The following CASP6 variants were observed in gnomAD, a reference collection of about 807,000 sequenced individuals.
CASP6 encodes the protein caspase-6.
In CASP6, 20 loss-of-function variants were observed where a neutral mutation model predicts 31.8. That is an observed-to-expected ratio of 0.63 (90% CI 0.44 to 0.91). The LOEUF (loss-of-function observed/expected upper bound fraction) is 0.91, where lower values mean the gene tolerates loss of function less well. Among genes scored for constraint, CASP6 ranks in the 40% least tolerant of loss-of-function variants. CASP6 has a pLI of 0.00. For synonymous variants in CASP6, 130 were observed against 127.8 expected (o/e 1.02, Z -0.12); for missense variants, 328 against 361.1 (o/e 0.91, Z 0.74).
chr4:109,675,097 A>T, the CASP6 span, among the ~76,000 whole-genome samples: 25 of 152,216 alleles, frequency 1.6e-4, no homozygotes, highest in African/African-American at 6.0e-4. Context: ...TGTCAAAAAG[A>T]AAAAAAAGAA....
At chr4:109,695,787 A>G (rs1730220632) in intron 4 of CASP6, among the ~76,000 whole-genome samples, 1 of 151,848 alleles carries the variant, frequency 6.6e-6, no homozygotes, top group South Asian at 2.1e-4. Context: ...CCAAAAGAGT[A>G]CTCAAAGCCA....
At chr4:109,705,729 G>C (rs898395002), upstream of CASP6, among the ~76,000 whole-genome samples, 1 of 151,088 alleles carries the variant, frequency 6.6e-6, no homozygotes, top group Admixed American at 6.6e-5. Flanking sequence ...TGTAAACCCA[G>C]CACTTTGGGA....
chr4:109,685,403 G>A (rs372928800), downstream of CASP6: 1 of 900,938 alleles, frequency 1.1e-6, no homozygotes, highest in African/African-American at 1.6e-5. Flanking sequence ...TGGTTTGTTT[G>A]GGAGCCAGAA....
At chr4:109,707,271 G>A (rs893527082), upstream of CASP6, among the ~76,000 whole-genome samples, 1 of 152,060 alleles carries the variant, frequency 6.6e-6, no homozygotes, top group Non-Finnish European at 1.5e-5. Context: ...ATATGTTCCT[G>A]TTTCATGTGT....
At chr4:109,691,418 T>A (rs937135131) in intron 5 of CASP6, among the ~76,000 whole-genome samples, 3 of 152,214 alleles carry the variant, frequency 2.0e-5, no homozygotes, top group African/African-American at 7.2e-5. Context: ...TGACTTTTGC[T>A]TGCCTGGCTG....
At chr4:109,708,229 A>G (rs188776913), upstream of CASP6, among the ~76,000 whole-genome samples, 8 of 152,342 alleles carry the variant, frequency 5.3e-5, 1 homozygote, top group East Asian at 1.5e-3. Context: ...TGTTCATTGT[A>G]TGCATAAAAT....
chr4:109,681,283 C>G, the CASP6 span, among the ~76,000 whole-genome samples: 1 of 152,128 alleles, frequency 6.6e-6, no homozygotes, highest in Non-Finnish European at 1.5e-5. Context: ...GTCCTTGAGT[C>G]TCTGGGGTCA....
At chr4:109,686,355 T>A (rs11933017), downstream of CASP6, among the ~76,000 whole-genome samples, 1,241 of 152,262 alleles carry the variant, frequency 8.2e-3, 19 homozygotes, top group African/African-American at 0.028. Flanking sequence ...TCCAGGCTGG[T>A]CTCAAACTCC....
At chr4:109,690,511 A>C (rs1393749550) in intron 6 of CASP6, among the ~76,000 whole-genome samples, 2 of 151,552 alleles carry the variant, frequency 1.3e-5, no homozygotes, top group African/African-American at 4.9e-5. Flanking sequence ...GACAGAGTTG[A>C]GACCTTGTCT....
Position 109,698,289 on chromosome 4 carries a change from C to T in CASP6, c.83+11G>A, listed in dbSNP as rs371341686. 1.4e-4 allele frequency: 217 copies of T among 1,604,050 alleles called. No individual in the cohort carries two copies. Among genetic ancestry groups the T allele is most frequent in the Admixed American group, 9.2e-4 (53 of 57,630 alleles). On this transcript the variant is annotated intron_variant, in intron 2 of 6. Coordinates refer to ENST00000265164, the MANE Select transcript of CASP6 (RefSeq NM_001226.4). ...GGAAGAGACCTTTATTAGAAAAGAG[C>T]ACAGCTTTACCTTTTATAGAAGGCA... is the stretch of plus-strand genomic sequence containing the variant.
chr4:109,688,983 TTTC>T lies in CASP6; in HGVS notation c.*344_*346del, dbSNP rs1729934934. ...TTATATAAAAGGAAGAGAAAGACAT[TTTC>T]TTTTTTTTGAGACGGAGTTTCACTC... is the stretch of plus-strand genomic sequence containing the variant. On this transcript the variant is annotated 3_prime_UTR_variant, in exon 7 of 7. Transcript: ENST00000265164. 5.5e-6 allele frequency: 1 copy of T among 183,128 alleles called. No individual in the cohort carries two copies. Among genetic ancestry groups the T allele is most frequent in the Non-Finnish European group, 1.2e-5 (1 of 85,134 alleles). 11.3% of individuals were successfully genotyped at this position (183,128 alleles called of 1,614,324 possible).
chr4:109,682,410 T>C, the CASP6 span, among the ~76,000 whole-genome samples: 1 of 152,184 alleles, frequency 6.6e-6, no homozygotes, highest in Non-Finnish European at 1.5e-5. Context: ...AAAAGTACAC[T>C]TGAACTGCTT....
chr4:109,670,703 G>A, the CASP6 span, among the ~76,000 whole-genome samples: 55 of 150,952 alleles, frequency 3.6e-4, no homozygotes, highest in South Asian at 8.0e-3. Flanking sequence ...GCAACAGAGC[G>A]AGGAGACTCT....
downstream of CASP6, chr4:109,684,603 C>T (rs755958779): frequency 1.9e-6 from 3 of 1,593,824 alleles, no homozygotes; most frequent in Middle Eastern, 1.7e-4. Context: ...ATCACATTTG[C>T]AAATTCTATG....
the CASP6 span, among the ~76,000 whole-genome samples, chr4:109,670,470 C>G: frequency 6.6e-6 from 1 of 152,138 alleles, no homozygotes; most frequent in Non-Finnish European, 1.5e-5. Flanking sequence ...TTAATCCCAG[C>G]ACTTTGAGAG....
chr4:109,698,337 C>T lies in CASP6; in HGVS notation c.46G>A (p.Glu16Lys). Residue 16 changes from glutamate to lysine, a missense_variant, in exon 2 of 7, where the codon GAA becomes AAA. By Grantham distance (56) the Glu-to-Lys change is moderately conservative. Transcript: ENST00000265164. Reference protein sequence around the residue: ...GLRRGHPAGGEENMTETDAFY... With the variant: ...GLRRGHPAGGKENMTETDAFY... ...GCATCTGTTTCTGTCATGTTTTCTT[C>T]CCCACCTATTAAAAAAAGTTGATTT... The T allele has an allele frequency of 6.2e-7, 1 of 1,610,282 alleles. No individual in the cohort carries two copies. The highest frequency in any genetic ancestry group is 8.5e-7 in the Non-Finnish European group (1 of 1,178,902).
At chr4:109,685,437 G>T, downstream of CASP6, 1 of 667,034 alleles carries the variant, frequency 1.5e-6, no homozygotes. Flanking sequence ...AAGTATAACT[G>T]GTGGCTCATC....
the CASP6 span, among the ~76,000 whole-genome samples, chr4:109,677,500 C>T: frequency 8.5e-5 from 13 of 152,116 alleles, no homozygotes; most frequent in African/African-American, 2.9e-4. Context: ...ATGTGTCCCT[C>T]AAAATTCATG....
At chr4:109,701,483 C>T (rs977778750) in intron 1 of CASP6, among the ~76,000 whole-genome samples, 3 of 151,916 alleles carry the variant, frequency 2.0e-5, no homozygotes, top group East Asian at 3.9e-4. Flanking sequence ...GGCTGCAGTG[C>T]AGTGGCGCAA....
Sources: allele counts gnomAD v4.1 joint callset (sites outside exome capture counted in the v4.1 genomes callset), GRCh38; gene constraint gnomAD v4.1.1; transcripts MANE v1.5; gene names NCBI Gene and HGNC (gene_info 2026-07-23, HGNC 2026-07-21).